ADAMTS17: variants seen among roughly 807,000 people sequenced by gnomAD.
ADAMTS17 encodes the protein A disintegrin and metalloproteinase with thrombospondin motifs 17.
A neutral mutation model predicts 141.5 loss-of-function variants in ADAMTS17; 113 were observed. The ratio of observed to expected loss-of-function variants is 0.80; its 90% CI spans 0.69 to 0.93. ADAMTS17 has a LOEUF of 0.93. Ranked by LOEUF, ADAMTS17 falls within the 40% of genes least tolerant of loss-of-function variation. ADAMTS17 has a pLI of 0.00. For missense variants in ADAMTS17, 1,659 were observed against 1,517.9 expected (o/e 1.09, Z -1.54); for synonymous variants, 768 against 630.6 (o/e 1.22, Z -3.27).
At chr15:100,208,424 G>C (rs2041663732) in intron 7 of ADAMTS17, among the ~76,000 whole-genome samples, 2 of 152,188 alleles carry the variant, frequency 1.3e-5, no homozygotes, top group South Asian at 4.1e-4. Context: ...CTGTGGCTGG[G>C]ACGGGGCCCA....
At chr15:100,071,511 G>A (rs946938459) in intron 15 of ADAMTS17, among the ~76,000 whole-genome samples, 24 of 150,252 alleles carry the variant, frequency 1.6e-4, no homozygotes, top group African/African-American at 5.4e-4. Flanking sequence ...CTGGCAAACC[G>A]AATGCAGCAG....
intron 8 of ADAMTS17, among the ~76,000 whole-genome samples, chr15:100,188,695 G>C (rs1219327180): frequency 6.6e-6 from 1 of 152,182 alleles, no homozygotes; most frequent in African/African-American, 2.4e-5. Flanking sequence ...ATCAGTGGTG[G>C]CTGTACCAAG....
At chr15:100,324,528 G>T (rs978227061) in intron 3 of ADAMTS17, among the ~76,000 whole-genome samples, 2 of 152,152 alleles carry the variant, frequency 1.3e-5, no homozygotes, top group African/African-American at 4.8e-5. Flanking sequence ...ACCATACTAT[G>T]TCATGTTCGC....
At position 100,341,884 on chromosome 15, in the gene ADAMTS17, G is replaced by A. The variant is rs1489149887; in HGVS notation, c.16C>T (p.Leu6=). The A allele has an allele frequency of 1.3e-6, 2 of 1,551,416 alleles. No individual in the cohort carries two copies. The highest frequency in any genetic ancestry group is 2.4e-5 in the East Asian group (1 of 40,946). MCDGA[L]LPPLVLPVLL... ...ACGGGCAGGACGAGCGGAGGCAGCAGGGCGCCGTCACACATGGTACCCGGG... is the reference window on the plus strand; with the variant it reads ...ACGGGCAGGACGAGCGGAGGCAGCAAGGCGCCGTCACACATGGTACCCGGG... Residue 6 remains leucine, a synonymous_variant, in exon 1 of 22, where the codon CTG becomes TTG. Coordinates refer to ENST00000268070, the MANE Select transcript of ADAMTS17 (RefSeq NM_139057.4).
intron 18 of ADAMTS17, among the ~76,000 whole-genome samples, chr15:100,023,726 C>T (rs1216213558): frequency 1.3e-5 from 2 of 152,142 alleles, no homozygotes; most frequent in African/African-American, 4.8e-5. Context: ...TCATGAATGT[C>T]TTCTAAATTT....
intron 3 of ADAMTS17, among the ~76,000 whole-genome samples, chr15:100,282,184 A>G (rs185199505): frequency 3.3e-4 from 51 of 152,344 alleles, no homozygotes; most frequent in African/African-American, 1.2e-3. Flanking sequence ...TATGAACAGC[A>G]TGCATTTTCA....
intron 20 of ADAMTS17, among the ~76,000 whole-genome samples, chr15:99,985,710 T>C (rs1300045089): frequency 1.3e-5 from 2 of 152,168 alleles, no homozygotes; most frequent in African/African-American, 4.8e-5. Context: ...TGTATGACTG[T>C]GAAGAAAGCC....
At position 100,162,717 on chromosome 15, in the gene ADAMTS17, C is replaced by A. The variant is rs1400002544; in HGVS notation, c.1182-7397G>T. 2.2e-5 allele frequency among the ~76,000 whole-genome samples: 3 copies of A among 135,454 alleles called. 1 individual carries two copies. Among genetic ancestry groups the A allele is most frequent in the African/African-American group, 8.1e-5 (3 of 36,932 alleles). 88.9% of individuals were successfully genotyped at this position (135,454 alleles called of 152,430 possible). ...ATGTGTATATATATGCACATATACA[C>A]ATTATATGTGTATATATATGCACAT... On this transcript the variant is annotated intron_variant, in intron 8 of 21. Coordinates refer to ENST00000268070, the MANE Select transcript of ADAMTS17 (RefSeq NM_139057.4).
chr15:100,330,340 C>A (rs535438505), intron 3 of ADAMTS17, among the ~76,000 whole-genome samples: 1 of 152,160 alleles, frequency 6.6e-6, no homozygotes, highest in Non-Finnish European at 1.5e-5. Context: ...CTGGAGGACC[C>A]GTGAAACTAC....
chr15:100,141,741 T>C (rs748312889), intron 10 of ADAMTS17, among the ~76,000 whole-genome samples: 16 of 152,206 alleles, frequency 1.1e-4, no homozygotes, highest in South Asian at 6.2e-4. Flanking sequence ...ACAACTGGCA[T>C]GGTGTGGAGA....
At chr15:100,011,898 G>T (rs534934891) in intron 18 of ADAMTS17, among the ~76,000 whole-genome samples, 19 of 152,304 alleles carry the variant, frequency 1.2e-4, no homozygotes, top group Non-Finnish European at 2.5e-4. Flanking sequence ...TTTCCTGTGG[G>T]TACATACCCA....
At chr15:100,176,686 C>T (rs903127572) in intron 8 of ADAMTS17, among the ~76,000 whole-genome samples, 3 of 138,232 alleles carry the variant, frequency 2.2e-5, no homozygotes, top group Non-Finnish European at 3.2e-5. Context: ...AATTATATCA[C>T]GTGTGTATCT....
At chr15:100,206,233 G>A (rs557289466) in intron 7 of ADAMTS17, among the ~76,000 whole-genome samples, 1 of 152,188 alleles carries the variant, frequency 6.6e-6, no homozygotes, top group African/African-American at 2.4e-5. Context: ...CTAGCATTTG[G>A]CATTCAGGAA....
chr15:100,256,836 C>T (rs28669353), intron 6 of ADAMTS17: 14,841 of 152,614 alleles, frequency 0.097, 1,452 homozygotes, highest in African/African-American at 0.25. Context: ...GGTGAAGCCC[C>T]CCCAGGTGCT....
chr15:100,205,206 C>A (rs950666870), intron 7 of ADAMTS17, among the ~76,000 whole-genome samples: 4 of 152,152 alleles, frequency 2.6e-5, no homozygotes, highest in African/African-American at 9.7e-5. Context: ...CGAGTCCCCA[C>A]AGATGACTCG....
intron 3 of ADAMTS17, among the ~76,000 whole-genome samples, chr15:100,295,915 A>G (rs550031089): frequency 6.6e-6 from 1 of 152,308 alleles, no homozygotes; most frequent in East Asian, 1.9e-4. Flanking sequence ...CAGGATATTG[A>G]ATATGTACTT....
At chr15:100,104,167 C>T (rs542524046) in intron 14 of ADAMTS17, among the ~76,000 whole-genome samples, 4 of 152,186 alleles carry the variant, frequency 2.6e-5, no homozygotes, top group Non-Finnish European at 5.9e-5. Flanking sequence ...CAGCTGGACT[C>T]GCTCATTGCA....
intron 4 of ADAMTS17, among the ~76,000 whole-genome samples, chr15:100,264,098 AG>A (rs2043626706): frequency 6.6e-6 from 1 of 152,262 alleles, no homozygotes; most frequent in Admixed American, 6.5e-5. Flanking sequence ...CTTTCACACA[AG>A]GAAAAATAGA....
intron 18 of ADAMTS17, among the ~76,000 whole-genome samples, chr15:100,044,816 T>G (rs544444681): frequency 2.6e-4 from 39 of 151,894 alleles, no homozygotes; most frequent in African/African-American, 9.2e-4. Flanking sequence ...GATTTTTTTT[T>G]TTTTTTTTTG....
Sources: gnomAD v4.1 joint callset for allele counts (sites outside exome capture counted in the v4.1 genomes callset) on GRCh38, gnomAD v4.1.1 for gene constraint, MANE v1.5 for transcripts, NCBI Gene and HGNC (gene_info 2026-07-23, HGNC 2026-07-21) for gene names.